The following NUBPL variants were observed in gnomAD, a reference collection of about 807,000 sequenced individuals.
NUBPL encodes the protein NUBP iron-sulfur cluster assembly factor, mitochondrial, also known as iron-sulfur cluster transfer protein NUBPL.
Under a neutral mutation model 45.7 loss-of-function variants are expected in NUBPL, and 31 were observed. The observed-to-expected ratio is 0.68, with a 90% CI of 0.51 to 0.92. The LOEUF is 0.92. Among genes scored for constraint, NUBPL ranks in the 40% least tolerant of loss-of-function variants. NUBPL has a pLI of 0.00. For missense variants in NUBPL, 401 were observed against 398.7 expected, an observed-to-expected ratio of 1.01 and a Z score of -0.05; for synonymous variants, 144 against 140.9, an observed-to-expected ratio of 1.02 and a Z score of -0.15.
chr14:31,826,543 A>G (rs181772323), intron 7 of NUBPL, 86 bp from the exon 8 acceptor site: 36 of 1,115,372 alleles, frequency 3.2e-5, no homozygotes, highest in Non-Finnish European at 4.4e-5. Flanking sequence ...GTAATAGACT[A>G]TTTGCGTATG....
chr14:31,809,531 C>A (rs1268790174), intron 7 of NUBPL, among the ~76,000 whole-genome samples: 1 of 151,934 alleles, frequency 6.6e-6, no homozygotes, highest in Non-Finnish European at 1.5e-5. Flanking sequence ...GTCTTGCTAG[C>A]AGTCTGTCAA....
chr14:31,856,328 C>T (rs2040619023), intron 10 of NUBPL, among the ~76,000 whole-genome samples: 2 of 152,088 alleles, frequency 1.3e-5, no homozygotes, highest in Admixed American at 6.5e-5. Flanking sequence ...AATCACCTCC[C>T]ACCAGGTTCT....
chr14:31,733,199 A>G (rs778735774), intron 6 of NUBPL, among the ~76,000 whole-genome samples: 38 of 152,158 alleles, frequency 2.5e-4, no homozygotes, highest in Non-Finnish European at 4.7e-4. Flanking sequence ...AGGTAGGTAG[A>G]TAGATAGATA....
rs74266235 is a variant in NUBPL at position 31,592,613 on chromosome 14, T to TA, written c.292-6667dup. Among the ~76,000 whole-genome samples, 54 of 151,830 alleles carry TA rather than the reference T, an allele frequency of 3.6e-4. No individual in the cohort carries two copies. In the East Asian group the frequency reaches 5.8e-3, roughly 16 times the overall value. ...AGGCAGAATGTTTACTATGTTTTTT[T>TA]AAAAAAAAATCATTTAAAAAAGGAC... On this transcript the variant is annotated intron_variant, in intron 3 of 10. Coordinates refer to ENST00000281081, the MANE Select transcript of NUBPL (RefSeq NM_025152.3).
chr14:31,779,077 C>A (rs1382150705), intron 6 of NUBPL, among the ~76,000 whole-genome samples: 1 of 152,096 alleles, frequency 6.6e-6, no homozygotes, highest in African/African-American at 2.4e-5. Flanking sequence ...CGTGGTGGCT[C>A]ATGCTTGTAA....
At chr14:31,753,720 C>T (rs773265917) in intron 6 of NUBPL, among the ~76,000 whole-genome samples, 3 of 152,142 alleles carry the variant, frequency 2.0e-5, no homozygotes, top group Non-Finnish European at 4.4e-5. Flanking sequence ...CTAAAGGCAG[C>T]TTCCTATCCC....
intron 3 of NUBPL, among the ~76,000 whole-genome samples, chr14:31,576,768 A>G (rs1036731253): frequency 6.6e-6 from 1 of 152,150 alleles, no homozygotes; most frequent in African/African-American, 2.4e-5. Context: ...CTTGCTTCCT[A>G]TTCCATGTGA....
At chr14:31,567,560 T>C (rs944118239) in intron 3 of NUBPL, among the ~76,000 whole-genome samples, 1 of 152,374 alleles carries the variant, frequency 6.6e-6, no homozygotes, top group African/African-American at 2.4e-5. Flanking sequence ...TTAGTTGTTA[T>C]TAGGTTCTTC....
In NUBPL at chr14:31,859,119, C is replaced by T. The variant is rs369831697; in HGVS notation, c.899C>T (p.Ala300Val). 6.2e-7 allele frequency: 1 copy of T among 1,613,362 alleles called. No individual in the cohort carries two copies. The highest frequency in any genetic ancestry group is 1.3e-5 in the African/African-American group (1 of 74,862). ...ACAAATAAGTTTGTTCTTTTCCAGG[C>T]CAAAGCTTACTTGAGGATTGCTGTG... ...IVFSQPESDE[A>V]KAYLRIAVEV... is the part of the protein sequence containing the mutation. Residue 300 changes from alanine to valine, a missense_variant and splice_region_variant, in exon 11 of 11, where the codon GCC becomes GTC. Ala to Val is a moderately conservative substitution (Grantham distance 64). Coordinates refer to ENST00000281081, the MANE Select transcript of NUBPL (RefSeq NM_025152.3).
At chr14:31,727,737 TTAAATCCAAATAGCAAGTTCTAA>T (rs1312740405) in intron 6 of NUBPL, among the ~76,000 whole-genome samples, 13 of 152,332 alleles carry the variant, frequency 8.5e-5, no homozygotes, top group South Asian at 8.3e-4. Flanking sequence ...TTCCTTTTGT[TTAAATCCAAATAGCAAGTTCTAA>T]TAAATCCAAA....
chr14:31,661,163 A>T (rs2036259230), intron 4 of NUBPL, among the ~76,000 whole-genome samples: 1 of 152,246 alleles, frequency 6.6e-6, no homozygotes, highest in African/African-American at 2.4e-5. Flanking sequence ...AGTGAGAAGG[A>T]TGCAGCATTG....
chr14:31,658,211 AGTAACT>A (rs1229566308), intron 4 of NUBPL, among the ~76,000 whole-genome samples: 1 of 152,214 alleles, frequency 6.6e-6, no homozygotes, highest in Admixed American at 6.5e-5. Flanking sequence ...TGTATGTTGG[AGTAACT>A]GTAAACCTCC....
At chr14:31,655,611 G>A (rs2036122948) in intron 4 of NUBPL, among the ~76,000 whole-genome samples, 1 of 152,166 alleles carries the variant, frequency 6.6e-6, no homozygotes, top group Non-Finnish European at 1.5e-5. Flanking sequence ...TACTTTGGGT[G>A]CTGAGGCAGG....
chr14:31,623,518 GA>G (rs2035123823), intron 4 of NUBPL, among the ~76,000 whole-genome samples: 1 of 152,136 alleles, frequency 6.6e-6, no homozygotes, highest in Non-Finnish European at 1.5e-5. Flanking sequence ...TCAAGGGCAG[GA>G]CCTGATGGAA....
intron 6 of NUBPL, among the ~76,000 whole-genome samples, chr14:31,728,937 T>G (rs2037985195): frequency 1.3e-5 from 2 of 152,182 alleles, no homozygotes; most frequent in Non-Finnish European, 2.9e-5. Flanking sequence ...ATTGAAATAA[T>G]TAAGGAGTTT....
At chr14:31,809,503 C>G (rs1434812454) in intron 7 of NUBPL, among the ~76,000 whole-genome samples, 2 of 152,160 alleles carry the variant, frequency 1.3e-5, no homozygotes, top group Non-Finnish European at 2.9e-5. Flanking sequence ...TGATTCTTCT[C>G]TCTTTTCTTC....
chr14:31,775,976 A>G (rs1363929636), intron 6 of NUBPL, among the ~76,000 whole-genome samples: 1 of 152,220 alleles, frequency 6.6e-6, no homozygotes, highest in Admixed American at 6.5e-5. Flanking sequence ...AAACATTTCT[A>G]TATAAGCATT....
At chr14:31,855,925 G>T (rs1441858161) in intron 10 of NUBPL, among the ~76,000 whole-genome samples, 1 of 152,150 alleles carries the variant, frequency 6.6e-6, no homozygotes, top group East Asian at 1.9e-4. Context: ...GATAATGATA[G>T]AATTTACCCC....
intron 6 of NUBPL, among the ~76,000 whole-genome samples, chr14:31,749,854 G>A (rs1248104314): frequency 6.6e-6 from 1 of 152,146 alleles, no homozygotes; most frequent in Non-Finnish European, 1.5e-5. Context: ...TGTTTGCTTA[G>A]TGGTGTCTCA....
Sources: gnomAD v4.1 joint callset for allele counts (sites outside exome capture counted in the v4.1 genomes callset) on GRCh38, gnomAD v4.1.1 for gene constraint, MANE v1.5 for transcripts, NCBI Gene and HGNC (gene_info 2026-07-23, HGNC 2026-07-21) for gene names.